Variants in SNTG1 observed in about 807,000 individuals in gnomAD.
The protein encoded by SNTG1 is gamma-1-syntrophin.
In SNTG1, 39 loss-of-function variants were observed where a neutral mutation model predicts 74.7. That is an observed-to-expected ratio of 0.52 (90% CI 0.40 to 0.68). The LOEUF (loss-of-function observed/expected upper bound fraction) is 0.68. SNTG1 is among the 30% of genes least tolerant of loss of function. SNTG1 has a pLI of 0.00. For missense variants in SNTG1, 685 were observed against 609.5 expected (o/e 1.12, Z -1.30); for synonymous variants, 254 against 217.1 (o/e 1.17, Z -1.49).
At chr8:50,573,971 A>T (rs1160121017) in intron 12 of SNTG1, among the ~76,000 whole-genome samples, 2 of 152,076 alleles carry the variant, frequency 1.3e-5, no homozygotes, top group East Asian at 3.8e-4. Flanking sequence ...AGTTCTTAAT[A>T]AAATAGGATG....
At chr8:50,112,077 T>C (rs1344349611) in intron 1 of SNTG1, among the ~76,000 whole-genome samples, 2 of 152,258 alleles carry the variant, frequency 1.3e-5, no homozygotes, top group African/African-American at 4.8e-5. Flanking sequence ...AAGACAAGTG[T>C]TAATCTTCAG....
intron 1 of SNTG1, among the ~76,000 whole-genome samples, chr8:50,160,889 C>T (rs1158796583): frequency 1.3e-5 from 2 of 152,074 alleles, no homozygotes; most frequent in African/African-American, 4.8e-5. Flanking sequence ...AACAACTGGA[C>T]ACAAGCCTGG....
intron 18 of SNTG1, chr8:50,762,750 G>T: frequency 2.1e-6 from 1 of 481,482 alleles, no homozygotes; most frequent in East Asian, 5.9e-5. Context: ...ATGTGGCACT[G>T]GACACACTTC....
intron 8 of SNTG1, among the ~76,000 whole-genome samples, chr8:50,473,629 G>T (rs1472155496): frequency 6.6e-6 from 1 of 152,138 alleles, no homozygotes; most frequent in Non-Finnish European, 1.5e-5. Context: ...GTTCATGGAA[G>T]CATTTTTCAC....
chr8:50,380,454 T>C (rs771827815), intron 2 of SNTG1, among the ~76,000 whole-genome samples: 18 of 152,198 alleles, frequency 1.2e-4, no homozygotes, highest in Admixed American at 2.0e-4. Flanking sequence ...TATAAATAGA[T>C]AACATTTTTC....
At chr8:50,161,739 AG>A (rs2082423402) in intron 1 of SNTG1, among the ~76,000 whole-genome samples, 1 of 152,152 alleles carries the variant, frequency 6.6e-6, no homozygotes, top group African/African-American at 2.4e-5. Flanking sequence ...CCCACAAAAA[AG>A]GTATGGAAGA....
chr8:50,494,326 A>T (rs2093884986), intron 8 of SNTG1, among the ~76,000 whole-genome samples: 1 of 151,994 alleles, frequency 6.6e-6, no homozygotes, highest in South Asian at 2.1e-4. Context: ...TTCAAAATAC[A>T]GTATTGGCAT....
chr8:50,566,928 A>G (rs1318506888), intron 12 of SNTG1, among the ~76,000 whole-genome samples: 2 of 152,032 alleles, frequency 1.3e-5, no homozygotes, highest in African/African-American at 4.8e-5. Context: ...TCTGTCCCTT[A>G]TATGATGCTG....
chr8:50,266,206 G>A (rs1241107276), intron 2 of SNTG1, among the ~76,000 whole-genome samples: 3 of 152,020 alleles, frequency 2.0e-5, no homozygotes, highest in African/African-American at 7.2e-5. Flanking sequence ...GCCACAGTGA[G>A]CAAGAAGTAT....
At chr8:49,995,543 C>T (rs1273994872) in intron 1 of SNTG1, among the ~76,000 whole-genome samples, 1 of 152,224 alleles carries the variant, frequency 6.6e-6, no homozygotes, top group African/African-American at 2.4e-5. Context: ...TCTCCAATAG[C>T]ATTCAGCAGT....
Position 50,704,645 on chromosome 8 carries a change from TC to T in SNTG1, c.1085del (p.Ser362LeufsTer30). 1 of 1,614,002 alleles carries T rather than the reference TC, an allele frequency of 6.2e-7. No individual in the cohort carries two copies. The highest frequency in any genetic ancestry group is 8.5e-7 in the Non-Finnish European group (1 of 1,179,988). On this transcript the variant is annotated frameshift_variant, in exon 16 of 19. Transcript: ENST00000642720. LOFTEE classifies it high-confidence loss of function. ...ACGGAAACAGTGCTTCACCGTGCAG[TC>T]TGAGTCTGGGGAGGACCTGTACTTC... Reference protein sequence around the residue: ...DRRKQCFTVQSESGEDLYFSV... With the variant: ...DRRKQCFTVQXESGEDLYFSV...
intron 11 of SNTG1, among the ~76,000 whole-genome samples, chr8:50,550,340 T>C (rs1226021936): frequency 6.6e-6 from 1 of 152,186 alleles, no homozygotes; most frequent in Admixed American, 6.6e-5. Flanking sequence ...TCTTGCTCCT[T>C]GTGCATGAAA....
chr8:50,210,622 C>G (rs970069014), intron 2 of SNTG1, among the ~76,000 whole-genome samples: 2 of 152,096 alleles, frequency 1.3e-5, no homozygotes, highest in Non-Finnish European at 2.9e-5. Flanking sequence ...CATATCCAGC[C>G]AAACTAAGCT....
intron 2 of SNTG1, among the ~76,000 whole-genome samples, chr8:50,244,658 A>G (rs887573950): frequency 6.6e-6 from 1 of 152,204 alleles, no homozygotes; most frequent in African/African-American, 2.4e-5. Flanking sequence ...AGGGAGCTCT[A>G]TTAGCACAGC....
At chr8:50,626,356 A>C (rs2094956175) in intron 13 of SNTG1, among the ~76,000 whole-genome samples, 1 of 152,160 alleles carries the variant, frequency 6.6e-6, no homozygotes, top group South Asian at 2.1e-4. Context: ...ACAATGTGTT[A>C]TTGGACTGTC....
chr8:50,414,053 C>G lies in SNTG1; in HGVS notation c.162+11709C>G, dbSNP rs1435085152. 9.2e-5 allele frequency among the ~76,000 whole-genome samples: 14 copies of G among 152,142 alleles called. No individual in the cohort carries two copies. In the East Asian group the frequency reaches 2.7e-3, roughly 29 times the overall value. ...TGCAAGATCTGCAGTCTGTATAGAT[C>G]TGACTCTGTTATCTGTTCTTTGTTC... On this transcript the variant is annotated intron_variant, in intron 4 of 18. Transcript: ENST00000642720.
intron 8 of SNTG1, among the ~76,000 whole-genome samples, chr8:50,477,789 T>C (rs2093708614): frequency 6.6e-6 from 1 of 152,224 alleles, no homozygotes; most frequent in African/African-American, 2.4e-5. Context: ...TAAAACTGTT[T>C]TAACACAACC....
At position 50,419,200 on chromosome 8, in the gene SNTG1, GA is replaced by G. The variant is rs199677997; in HGVS notation, c.162+16865del. ...AGCCCAACCAAAACCTTTCTTTCTA[GA>G]AAAAAAAATGGGCAGCTTAACAAGA... is the stretch of plus-strand genomic sequence containing the variant. On this transcript the variant is annotated intron_variant, in intron 4 of 18. Coordinates refer to ENST00000642720, the MANE Select transcript of SNTG1 (RefSeq NM_018967.5). Among the ~76,000 whole-genome samples the G allele has an allele frequency of 4.0e-5, 6 of 150,496 alleles. 1 individual carries two copies. The highest frequency in any genetic ancestry group is 1.3e-4 in the Admixed American group (2 of 15,078).
At chr8:50,469,013 C>G (rs761842091) in intron 8 of SNTG1, among the ~76,000 whole-genome samples, 2 of 152,106 alleles carry the variant, frequency 1.3e-5, no homozygotes, top group African/African-American at 2.4e-5. Context: ...TTATTTTATA[C>G]AAAGAGTTAA....
Sources: gnomAD v4.1 joint callset for allele counts (sites outside exome capture counted in the v4.1 genomes callset) on GRCh38, gnomAD v4.1.1 for gene constraint, MANE v1.5 for transcripts, NCBI Gene and HGNC (gene_info 2026-07-23, HGNC 2026-07-21) for gene names.